The following OSBPL9 variants were observed in gnomAD, a reference collection of about 807,000 sequenced individuals.
The protein encoded by OSBPL9 is oxysterol-binding protein-related protein 9.
A neutral mutation model predicts 106.6 loss-of-function variants in OSBPL9; 40 were observed. The observed-to-expected ratio is 0.38, with a 90% CI of 0.29 to 0.49. The LOEUF (loss-of-function observed/expected upper bound fraction) is 0.49. Among genes scored for constraint, OSBPL9 ranks in the 20% least tolerant of loss-of-function variants. OSBPL9 has a pLI of 0.97. For missense variants in OSBPL9, 609 were observed against 887.2 expected (o/e 0.69, Z 3.98); for synonymous variants, 269 against 295.4 (o/e 0.91, Z 0.92).
intron 5 of OSBPL9, among the ~76,000 whole-genome samples, chr1:51,745,836 C>T (rs750438939): frequency 6.6e-6 from 1 of 151,500 alleles, no homozygotes; most frequent in Non-Finnish European, 1.5e-5. Flanking sequence ...TTACATAATG[C>T]TTTTTTGGTC....
rs781134495 is a variant in OSBPL9, at chr1:51,787,817, T to A, written c.*28T>A. 1 of 1,567,200 alleles carries A rather than the reference T, an allele frequency of 6.4e-7. No individual in the cohort carries two copies. On this transcript the variant is annotated 3_prime_UTR_variant, in exon 24 of 24. Transcript: ENST00000428468. ...TGGAAGATGCAAAGTTTATACCTGA[T>A]GATCAGGGCAGTAGGCATAATTCAG...
chr1:51,636,727 A>T (rs1645474017), intron 1 of OSBPL9, among the ~76,000 whole-genome samples: 1 of 152,136 alleles, frequency 6.6e-6, no homozygotes, highest in African/African-American at 2.4e-5. Context: ...AGGTGAGAGG[A>T]TCACTTGAGG....
chr1:51,568,528 T>A, the OSBPL9 span, among the ~76,000 whole-genome samples: 1 of 152,166 alleles, frequency 6.6e-6, no homozygotes, highest in South Asian at 2.1e-4. Context: ...CAGTTGGGAA[T>A]AGATTTAACA....
intron 3 of OSBPL9, chr1:51,669,945 C>G: frequency 5.4e-6 from 2 of 371,620 alleles, no homozygotes; most frequent in Non-Finnish European, 1.1e-5. Flanking sequence ...TAGTGGCAAC[C>G]TTTGGCTTAA....
At chr1:51,726,211 A>G (rs968418773) in intron 4 of OSBPL9, among the ~76,000 whole-genome samples, 3 of 152,064 alleles carry the variant, frequency 2.0e-5, no homozygotes, top group Non-Finnish European at 2.9e-5. Context: ...GTGATTCTCT[A>G]TATTTGCCTG....
chr1:51,711,588 CG>C (rs1414057481), intron 3 of OSBPL9, among the ~76,000 whole-genome samples: 3 of 131,100 alleles, frequency 2.3e-5, no homozygotes, highest in Non-Finnish European at 4.8e-5. Context: ...GGGTGGCTGC[CG>C]GGCGGAGAGG....
the OSBPL9 span, among the ~76,000 whole-genome samples, chr1:51,554,740 T>TTA: frequency 3.8e-3 from 574 of 152,354 alleles, 4 homozygotes; most frequent in African/African-American, 0.013. Flanking sequence ...TCCCCAGGTC[T>TTA]TATTTCTAAC....
intron 2 of OSBPL9, among the ~76,000 whole-genome samples, chr1:51,605,927 C>T (rs1193877661): frequency 3.3e-5 from 5 of 150,640 alleles, no homozygotes; most frequent in Non-Finnish European, 5.9e-5. Flanking sequence ...TTGCAGTGAG[C>T]CAAGATCAGG....
intron 1 of OSBPL9, among the ~76,000 whole-genome samples, chr1:51,641,276 G>A (rs1304130136): frequency 6.6e-6 from 1 of 152,162 alleles, no homozygotes. Context: ...TCTGACTGGG[G>A]CCTCTTTTAT....
At chr1:51,779,125 TTC>T (rs1675725773) in intron 15 of OSBPL9, among the ~76,000 whole-genome samples, 1 of 152,212 alleles carries the variant, frequency 6.6e-6, no homozygotes. Context: ...AATGGAAATA[TTC>T]TGTTTTTTGA....
intron 10 of OSBPL9, among the ~76,000 whole-genome samples, chr1:51,761,255 G>GTTTTTTTT: frequency 7.3e-6 from 1 of 136,886 alleles, no homozygotes; most frequent in Non-Finnish European, 1.6e-5. Context: ...GTTTTGTTTT[G>GTTTTTTTT]TTTTTTTTTT....
At chr1:51,591,542 C>T (rs1188468277) in intron 1 of OSBPL9, among the ~76,000 whole-genome samples, 2 of 152,216 alleles carry the variant, frequency 1.3e-5, no homozygotes, top group African/African-American at 4.8e-5. Flanking sequence ...CACAGTGGCT[C>T]ACGCCTGTAA....
At chr1:51,700,535 A>C (rs752833214) in intron 3 of OSBPL9, among the ~76,000 whole-genome samples, 31 of 152,030 alleles carry the variant, frequency 2.0e-4, no homozygotes, top group Non-Finnish European at 4.0e-4. Flanking sequence ...TATTTTGTAG[A>C]ATGTCTCTCA....
At chr1:51,622,583 G>A (rs1443276085) in intron 1 of OSBPL9, among the ~76,000 whole-genome samples, 1 of 152,200 alleles carries the variant, frequency 6.6e-6, no homozygotes, top group Non-Finnish European at 1.5e-5. Flanking sequence ...ACTGGAGCAG[G>A]AAGATCAGCT....
chr1:51,722,519 G>T (rs1571326260), intron 4 of OSBPL9, among the ~76,000 whole-genome samples: 1 of 152,100 alleles, frequency 6.6e-6, no homozygotes, highest in East Asian at 1.9e-4. Flanking sequence ...CATAGTACCT[G>T]ACATTTTATT....
chr1:51,784,195 C>T, intron 18 of OSBPL9, 69 bp from the exon 19 acceptor site: 2 of 1,516,988 alleles, frequency 1.3e-6, no homozygotes, highest in South Asian at 2.3e-5. Flanking sequence ...GAGTAACCAT[C>T]AGCTCGACAA....
At chr1:51,787,530 A>C (rs1210769476) in intron 23 of OSBPL9, 42 bp downstream of exon 23, 1 of 1,610,640 alleles carries the variant, frequency 6.2e-7, no homozygotes, top group African/African-American at 1.3e-5. Flanking sequence ...TGTTCCTCCT[A>C]ATTTATTTCA....
chr1:51,540,971 C>CA, the OSBPL9 span, among the ~76,000 whole-genome samples: 8,987 of 135,684 alleles, frequency 0.066, 888 homozygotes, highest in African/African-American at 0.22. Flanking sequence ...AAAAAAAAAA[C>CA]AAAAAAAAAA....
intron 8 of OSBPL9, chr1:51,752,539 C>G (rs1452881095): frequency 2.2e-6 from 1 of 456,162 alleles, no homozygotes; most frequent in Admixed American, 2.3e-5. Flanking sequence ...CGTCTTACCA[C>G]TTGTATTAGT....
Sources: allele counts gnomAD v4.1 joint callset (sites outside exome capture counted in the v4.1 genomes callset), GRCh38; gene constraint gnomAD v4.1.1; transcripts MANE v1.5; gene names NCBI Gene and HGNC (gene_info 2026-07-23, HGNC 2026-07-21).